ZFAND6: variants seen among roughly 807,000 people sequenced by gnomAD.
ZFAND6 encodes the protein AN1-type zinc finger protein 6.
Under a neutral mutation model 24.5 loss-of-function variants are expected in ZFAND6, and 12 were observed. That is an observed-to-expected ratio of 0.49 (90% confidence interval 0.31 to 0.79). ZFAND6 has a LOEUF of 0.79. Among genes scored for constraint, ZFAND6 ranks in the 30% least tolerant of loss-of-function variants. The probability of loss-of-function intolerance (pLI) is 0.04; values close to 1 mark genes in which losing one functional copy is unlikely to be tolerated. For missense variants in ZFAND6, 207 were observed against 245.9 expected (o/e 0.84, Z 1.06); for synonymous variants, 92 against 81.5 (o/e 1.13, Z -0.69).
intron 1 of ZFAND6, among the ~76,000 whole-genome samples, chr15:80,064,753 G>A (rs116528742): frequency 0.034 from 5,179 of 152,072 alleles, 281 homozygotes; most frequent in East Asian, 0.22. Flanking sequence ...TGATTATCCC[G>A]CCTCAGCCTC....
At chr15:80,113,279 A>G (rs370517775) in intron 2 of ZFAND6, among the ~76,000 whole-genome samples, 12 of 152,212 alleles carry the variant, frequency 7.9e-5, no homozygotes, top group African/African-American at 2.2e-4. Context: ...CATGAGTCCA[A>G]TATTGTCAGA....
In ZFAND6 at chr15:80,104,089, G is replaced by C. The variant is rs74454310; in HGVS notation, c.-18+5511G>C. ...GGTCTTGAACTCAAGCAATCCTCTC[G>C]CCTTGGTCTCCCAGAATGTTGGGAT... On this transcript the variant is annotated intron_variant, in intron 2 of 6. Coordinates refer to ENST00000261749, the MANE Select transcript of ZFAND6 (RefSeq NM_019006.4). Among the ~76,000 whole-genome samples, 3,100 of 152,178 alleles carry C rather than the reference G, an allele frequency of 0.02. 229 individuals carry two copies. The East Asian group carries it at 0.22, about 11-fold the overall frequency.
intron 1 of ZFAND6, among the ~76,000 whole-genome samples, chr15:80,079,649 C>CTTT (rs574842440): frequency 1.4e-4 from 17 of 120,464 alleles, no homozygotes; most frequent in South Asian, 5.4e-4. Flanking sequence ...TTTTCCTTAG[C>CTTT]TTTTTTTTTT....
intron 2 of ZFAND6, among the ~76,000 whole-genome samples, chr15:80,103,898 G>A (rs192221654): frequency 2.8e-4 from 43 of 152,146 alleles, no homozygotes; most frequent in Admixed American, 6.5e-4. Flanking sequence ...ACCTATGCAG[G>A]GGTGTAGTGG....
chr15:80,103,392 T>C (rs981175120), intron 2 of ZFAND6, among the ~76,000 whole-genome samples: 6 of 152,178 alleles, frequency 3.9e-5, no homozygotes, highest in Non-Finnish European at 7.4e-5. Context: ...GGAAAAAATT[T>C]GGAGAATTTG....
chr15:80,120,236 G>GT (rs2040087276), intron 2 of ZFAND6, 92 bp from the exon 3 acceptor site: 1 of 1,093,002 alleles, frequency 9.1e-7, no homozygotes, highest in Non-Finnish European at 1.3e-6. Context: ...ATATATGTGG[G>GT]CTTTTTTCTT....
At chr15:80,132,959 A>G (rs2040679417) in intron 6 of ZFAND6, among the ~76,000 whole-genome samples, 1 of 145,842 alleles carries the variant, frequency 6.9e-6, no homozygotes, top group Non-Finnish European at 1.5e-5. Flanking sequence ...AAAAAAAGGA[A>G]ATTTGTGAAG....
At chr15:80,059,427 A>C (rs1219206452), upstream of ZFAND6, 2 of 152,368 alleles carry the variant, frequency 1.3e-5, no homozygotes, top group East Asian at 1.9e-4. Flanking sequence ...AGCAAGGGAC[A>C]CTGGAGGTGC....
At chr15:80,111,421 T>C in intron 2 of ZFAND6, 1 of 433,502 alleles carries the variant, frequency 2.3e-6, no homozygotes, top group South Asian at 1.6e-5. Flanking sequence ...GTCTTCCTTA[T>C]TGACAGGTTT....
intron 5 of ZFAND6, among the ~76,000 whole-genome samples, chr15:80,123,968 C>G (rs2040260014): frequency 6.6e-6 from 1 of 152,106 alleles, no homozygotes; most frequent in South Asian, 2.1e-4. Context: ...AACCAGTTTG[C>G]TTGTTTGTGT....
At chr15:80,090,666 G>T (rs1044658638) in intron 1 of ZFAND6, among the ~76,000 whole-genome samples, 5 of 152,080 alleles carry the variant, frequency 3.3e-5, no homozygotes, top group Non-Finnish European at 5.9e-5. Flanking sequence ...TAGGCAGTTA[G>T]CAAAAACAAC....
intron 1 of ZFAND6, among the ~76,000 whole-genome samples, chr15:80,091,160 G>GGTGTGTGTGTGTGTGTGTGT (rs61706731): frequency 6.7e-6 from 1 of 150,166 alleles, no homozygotes; most frequent in South Asian, 2.1e-4. Flanking sequence ...GTTGTTAAGG[G>GGTGTGTGTGTGTGTGTGTGT]GTGTGTGTGT....
chr15:80,126,422 C>A (rs765633816), intron 5 of ZFAND6, among the ~76,000 whole-genome samples: 1 of 152,104 alleles, frequency 6.6e-6, no homozygotes, highest in Non-Finnish European at 1.5e-5. Flanking sequence ...CTGTGTTGTA[C>A]CGGCATGAGG....
intron 1 of ZFAND6, among the ~76,000 whole-genome samples, chr15:80,067,340 T>A (rs953809958): frequency 9.2e-5 from 14 of 152,242 alleles, no homozygotes; most frequent in Admixed American, 6.5e-5. Context: ...CAGTTTTCTC[T>A]ACTCAAGACC....
chr15:80,064,059 TATA>T, intron 1 of ZFAND6, among the ~76,000 whole-genome samples: 1 of 152,264 alleles, frequency 6.6e-6, no homozygotes, highest in Admixed American at 6.5e-5. Flanking sequence ...AGTTCCATCT[TATA>T]AAAGTACTAT....
At chr15:80,084,568 C>G (rs200580188) in intron 1 of ZFAND6, among the ~76,000 whole-genome samples, 1 of 152,142 alleles carries the variant, frequency 6.6e-6, no homozygotes, top group Non-Finnish European at 1.5e-5. Context: ...TACTAATTTA[C>G]GTGGGGGCAG....
chr15:80,063,447 A>G (rs2036440747), intron 1 of ZFAND6, among the ~76,000 whole-genome samples: 1 of 152,070 alleles, frequency 6.6e-6, no homozygotes, highest in Non-Finnish European at 1.5e-5. Context: ...GCTGGAGTGC[A>G]ACGGTGCGAT....
At position 80,059,681 on chromosome 15, in the gene ZFAND6, A is replaced by G. The variant is rs1449843584; in HGVS notation, c.-309A>G. 6.6e-6 allele frequency: 1 copy of G among 152,418 alleles called. No homozygotes were observed. Among genetic ancestry groups the G allele is most frequent in the Non-Finnish European group, 1.5e-5 (1 of 68,318 alleles). 9.4% of individuals were successfully genotyped at this position (152,418 alleles called of 1,614,324 possible). ...ACAACCAAACAGAAAAGTTTAATAA[A>G]CAGCGGACGGAGGGGCCGGCGGTGG... On this transcript the variant is annotated 5_prime_UTR_variant, in exon 1 of 7. Transcript: ENST00000261749.
chr15:80,076,920 A>G (rs2037317888), intron 1 of ZFAND6, among the ~76,000 whole-genome samples: 1 of 152,106 alleles, frequency 6.6e-6, no homozygotes, highest in South Asian at 2.1e-4. Flanking sequence ...AAAAAAAAGT[A>G]TTTCTGACAG....
Sources: gnomAD v4.1 joint callset for allele counts (sites outside exome capture counted in the v4.1 genomes callset) on GRCh38, gnomAD v4.1.1 for gene constraint, MANE v1.5 for transcripts, NCBI Gene and HGNC (gene_info 2026-07-23, HGNC 2026-07-21) for gene names.